The following PLXDC2 variants were observed in gnomAD, a reference collection of about 807,000 sequenced individuals.
PLXDC2 encodes the protein plexin domain containing 2, also known as plexin domain-containing protein 2.
PLXDC2 carries 40 observed loss-of-function variants against 68.9 expected under a neutral mutation model. The ratio of observed to expected loss-of-function variants is 0.58; its 90% CI spans 0.45 to 0.76. The LOEUF is 0.76. Ranked by LOEUF, PLXDC2 falls within the 30% of genes least tolerant of loss-of-function variation. The pLI is 0.00. For synonymous variants in PLXDC2, 243 were observed against 234.2 expected (o/e 1.04, Z -0.34); for missense variants, 644 against 661.9 (o/e 0.97, Z 0.30).
At chr10:20,177,157 C>A in intron 8 of PLXDC2, 63 bp downstream of exon 8, 1 of 1,406,930 alleles carries the variant, frequency 7.1e-7, no homozygotes, top group Non-Finnish European at 1.0e-6. Flanking sequence ...CTGATCTGTT[C>A]AATAGTTATA....
At position 19,946,609 on chromosome 10, in the gene PLXDC2, C is replaced by G. The variant is rs527841917; in HGVS notation, c.113-55166C>G. ...TCCCTAACCTTTATGGCACCAGAGA[C>G]CGATTTTGTGAAAGACAGTTTTTCC... On this transcript the variant is annotated intron_variant, in intron 1 of 13. Coordinates refer to ENST00000377252, the MANE Select transcript of PLXDC2 (RefSeq NM_032812.9). 4.0e-5 allele frequency among the ~76,000 whole-genome samples: 6 copies of G among 151,602 alleles called. No homozygotes were observed. The East Asian group carries it at 9.7e-4, about 25-fold the overall frequency.
chr10:20,191,637 C>T (rs1029622601), intron 9 of PLXDC2, among the ~76,000 whole-genome samples: 1 of 148,826 alleles, frequency 6.7e-6, no homozygotes, highest in Non-Finnish European at 1.5e-5. Context: ...CTTCCTGTGT[C>T]CATGTGTTCT....
chr10:19,893,890 A>G (rs137890607), intron 1 of PLXDC2, among the ~76,000 whole-genome samples: 14 of 152,340 alleles, frequency 9.2e-5, no homozygotes, highest in Non-Finnish European at 1.5e-4. Context: ...AGGAATCTGT[A>G]TATTCATGAG....
At chr10:19,843,662 C>T (rs888775544) in intron 1 of PLXDC2, among the ~76,000 whole-genome samples, 8 of 152,048 alleles carry the variant, frequency 5.3e-5, no homozygotes, top group African/African-American at 1.7e-4. Context: ...GGAAATAAGG[C>T]AGGAACAGAA....
chr10:19,884,481 C>G (rs1837801789), intron 1 of PLXDC2, among the ~76,000 whole-genome samples: 1 of 151,954 alleles, frequency 6.6e-6, no homozygotes, highest in Admixed American at 6.6e-5. Context: ...TTAGGTATAT[C>G]TCCCAATGCT....
intron 1 of PLXDC2, among the ~76,000 whole-genome samples, chr10:19,875,919 G>A (rs1340440379): frequency 6.6e-6 from 1 of 152,080 alleles, no homozygotes; most frequent in Non-Finnish European, 1.5e-5. Flanking sequence ...TTTTTTTGAT[G>A]TGTGCAAAAG....
chr10:19,889,184 C>T (rs543581607), intron 1 of PLXDC2, among the ~76,000 whole-genome samples: 27 of 151,982 alleles, frequency 1.8e-4, no homozygotes, highest in Middle Eastern at 3.4e-3. Context: ...TTTTGGGACA[C>T]GGTACATCCC....
At chr10:20,044,213 CTTTCTTTCTTT>C in intron 2 of PLXDC2, among the ~76,000 whole-genome samples, 1 of 6,618 alleles carries the variant, frequency 1.5e-4, no homozygotes, top group South Asian at 3.1e-3. Flanking sequence ...CTCTCTCTGT[CTTTCTTTCTTT>C]CTTTCTTTCT....
intron 1 of PLXDC2, among the ~76,000 whole-genome samples, chr10:19,966,331 T>G (rs546202202): frequency 7.7e-6 from 1 of 129,994 alleles, no homozygotes; most frequent in African/African-American, 3.3e-5. Flanking sequence ...TATATGTATA[T>G]GTACACATAT....
chr10:20,025,579 G>T (rs2131662576), intron 2 of PLXDC2, among the ~76,000 whole-genome samples: 1 of 152,128 alleles, frequency 6.6e-6, no homozygotes, highest in East Asian at 1.9e-4. Flanking sequence ...TTTAATTCTA[G>T]CCATTCTGAC....
rs1473181250 is a variant in PLXDC2, at chr10:19,816,952, T to C, written c.-128T>C. 1.5e-6 allele frequency: 1 copy of C among 651,470 alleles called. No individual in the cohort carries two copies. 40.4% of individuals were successfully genotyped at this position (651,470 alleles called of 1,614,324 possible). A position where few individuals can be genotyped will look rare whatever the true frequency, so the allele number is the denominator to read the frequency against. ...TCCCTACTGTGAAATCGCAGCGACATTTACAAAGGCCTCCGGGTCCTACCG... is the reference window on the plus strand; with the variant it reads ...TCCCTACTGTGAAATCGCAGCGACACTTACAAAGGCCTCCGGGTCCTACCG... On this transcript the variant is annotated 5_prime_UTR_variant, in exon 1 of 14. Coordinates refer to ENST00000377252, the MANE Select transcript of PLXDC2 (RefSeq NM_032812.9).
chr10:20,064,396 A>G (rs1836163539), intron 3 of PLXDC2, among the ~76,000 whole-genome samples: 1 of 151,516 alleles, frequency 6.6e-6, no homozygotes, highest in South Asian at 2.1e-4. Flanking sequence ...AATTTTTTGT[A>G]TTTTTAGTAG....
At chr10:20,100,788 C>T (rs1833412037) in intron 4 of PLXDC2, among the ~76,000 whole-genome samples, 1 of 151,906 alleles carries the variant, frequency 6.6e-6, no homozygotes, top group African/African-American at 2.4e-5. Context: ...TGAAAATGTC[C>T]ATTACCAGAA....
chr10:19,850,563 C>G (rs570436787), intron 1 of PLXDC2, among the ~76,000 whole-genome samples: 1 of 152,156 alleles, frequency 6.6e-6, no homozygotes, highest in South Asian at 2.1e-4. Flanking sequence ...AGAGACCCAA[C>G]TAATCGTCTA....
rs149158386 is a variant in PLXDC2 at position 20,138,954 on chromosome 10, G to T, written c.542-4341G>T. ...AAAGGAATATAATATAATTAGTGAA[G>T]GCCTATATAGATACTGGTTAATTTC... On this transcript the variant is annotated intron_variant, in intron 4 of 13. Coordinates refer to ENST00000377252, the MANE Select transcript of PLXDC2 (RefSeq NM_032812.9). Among the ~76,000 whole-genome samples the T allele has an allele frequency of 4.2e-3, 632 of 151,844 alleles. 7 individuals carry two copies. Among genetic ancestry groups the T allele is most frequent in the African/African-American group, 0.015 (605 of 41,432 alleles).
At chr10:20,189,423 A>G (rs866844980) in intron 9 of PLXDC2, among the ~76,000 whole-genome samples, 2 of 145,892 alleles carry the variant, frequency 1.4e-5, no homozygotes, top group Admixed American at 7.0e-5. Flanking sequence ...CATATTGTGT[A>G]TAATAAAACC....
intron 1 of PLXDC2, among the ~76,000 whole-genome samples, chr10:19,948,376 T>G (rs1203705739): frequency 2.8e-5 from 2 of 71,760 alleles, no homozygotes; most frequent in African/African-American, 9.3e-5. Flanking sequence ...CAGAATGATT[T>G]TCTTTCTTTC....
At chr10:20,199,243 C>T (rs1469784445) in intron 9 of PLXDC2, among the ~76,000 whole-genome samples, 1 of 151,852 alleles carries the variant, frequency 6.6e-6, no homozygotes, top group Non-Finnish European at 1.5e-5. Flanking sequence ...TTTAAGTTAA[C>T]ATTAGCAAAC....
rs1458142208 is a variant in PLXDC2 at position 20,189,041 on chromosome 10, G to T, written c.1061+11632G>T. On this transcript the variant is annotated intron_variant, in intron 9 of 13. Coordinates refer to ENST00000377252, the MANE Select transcript of PLXDC2 (RefSeq NM_032812.9). ...TTTCAAATTTTAATGAAGAATCTTC[G>T]CTTTTCTATTAAGCTGCTTGTCCTG... Among the ~76,000 whole-genome samples, 3 of 74,954 alleles carry T rather than the reference G, an allele frequency of 4.0e-5. 1 individual carries two copies. The highest frequency in any genetic ancestry group is 1.4e-4 in the Non-Finnish European group (3 of 20,898). 49.2% of individuals were successfully genotyped at this position (74,954 alleles called of 152,430 possible).
Sources: allele counts gnomAD v4.1 joint callset (sites outside exome capture counted in the v4.1 genomes callset), GRCh38; gene constraint gnomAD v4.1.1; transcripts MANE v1.5; gene names NCBI Gene and HGNC (gene_info 2026-07-23, HGNC 2026-07-21).